The following LRRN2 variants were observed in gnomAD, a reference collection of about 807,000 sequenced individuals.
LRRN2 encodes the protein leucine rich repeat neuronal 2.
In LRRN2, 10 loss-of-function variants were observed where a neutral mutation model predicts 35.7. The ratio of observed to expected loss-of-function variants is 0.28; its 90% CI spans 0.17 to 0.47. LRRN2 has a LOEUF of 0.47. Among genes scored for constraint, LRRN2 ranks in the 20% least tolerant of loss-of-function variants. The pLI is 0.99. For missense variants in LRRN2, 731 were observed against 940.3 expected (o/e 0.78, Z 2.91); for synonymous variants, 391 against 409.6 (o/e 0.95, Z 0.55).
intron 1 of LRRN2, among the ~76,000 whole-genome samples, chr1:204,659,281 G>C (rs1298900980): frequency 2.6e-5 from 4 of 152,164 alleles, no homozygotes; most frequent in Non-Finnish European, 5.9e-5. Context: ...TAGCAATTAG[G>C]CTTAGCAACA....
intron 1 of LRRN2, among the ~76,000 whole-genome samples, chr1:204,631,254 TTCTATATATATATATATATATATATATA>T (rs1667685290): frequency 1.0e-4 from 1 of 9,910 alleles, no homozygotes; most frequent in Admixed American, 2.0e-3. Context: ...ACCTAGAGTG[TTCTATATATATATATATATATATATATA>T]TATATATATA....
At chr1:204,620,306 C>T (rs2102568898) in intron 1 of LRRN2, 88 bp from the exon 2 acceptor site, 1 of 910,850 alleles carries the variant, frequency 1.1e-6, no homozygotes, top group East Asian at 3.9e-5. Context: ...GACAGAGTCT[C>T]ATTCTGTCAC....
In LRRN2 at chr1:204,644,123, A is replaced by G. The variant is rs560347062; in HGVS notation, c.-226-23905T>C. ...TCTACCCATCTGCTGTACCACTGCA[A>G]TATCAGAGAAAAGGAGGTCCTGGGG... On this transcript the variant is annotated intron_variant, in intron 1 of 1. Coordinates refer to ENST00000367177, the MANE Select transcript of LRRN2 (RefSeq NM_201630.2). Among the ~76,000 whole-genome samples the G allele has an allele frequency of 8.3e-4, 126 of 152,256 alleles. 1 individual carries two copies. The highest frequency in any genetic ancestry group is 2.8e-3 in the African/African-American group (118 of 41,554).
Position 204,652,465 on chromosome 1 carries a change from A to G in LRRN2, c.-226-32247T>C, listed in dbSNP as rs111669075. On this transcript the variant is annotated intron_variant, in intron 1 of 1. Transcript: ENST00000367177. ...AGCTAAAGTTTTGGCTCCTTGTCTC[A>G]TTATCTGGATGATGCCTGGCAAGTT... Among the ~76,000 whole-genome samples the G allele has an allele frequency of 2.4e-3, 358 of 152,034 alleles. 2 individuals are homozygous for G. The highest frequency in any genetic ancestry group is 8.5e-3 in the African/African-American group (351 of 41,432).
At chr1:204,629,166 G>A (rs1249031949) in intron 1 of LRRN2, 1 of 152,312 alleles carries the variant, frequency 6.6e-6, no homozygotes, top group Non-Finnish European at 1.5e-5. Flanking sequence ...GAAGACCCAA[G>A]AGCAATACAA....
At chr1:204,676,433 A>G (rs1335879000) in intron 1 of LRRN2, among the ~76,000 whole-genome samples, 1 of 152,182 alleles carries the variant, frequency 6.6e-6, no homozygotes, top group Non-Finnish European at 1.5e-5. Flanking sequence ...TCGCCTCTGC[A>G]GGTGAGACAG....
chr1:204,675,321 A>G (rs2102242793), intron 1 of LRRN2, among the ~76,000 whole-genome samples: 1 of 152,372 alleles, frequency 6.6e-6, no homozygotes, highest in Middle Eastern at 3.4e-3. Flanking sequence ...CTTAGTGGCT[A>G]TAAACAACAC....
In LRRN2 at chr1:204,618,791, G is replaced by A. The variant is rs772908928; in HGVS notation, c.1202C>T (p.Pro401Leu). The part of the protein sequence containing the change: ...EPQSTLCAEP[P>L]DLQRLPVREV... Reference sequence around the variant, plus strand: ...ACGGACCGGGAGGCGCTGGAGGTCCGGAGGCTCCGCACACAGGGTGGATTG... The same window carrying A: ...ACGGACCGGGAGGCGCTGGAGGTCCAGAGGCTCCGCACACAGGGTGGATTG... The change falls in exon 2 of 2, where the codon CCG becomes CTG. Residue 401 changes from proline (P) to leucine (L), a missense_variant. Physicochemically the swap from Pro to Leu is moderately conservative, Grantham distance 98 (BLOSUM62 -3). This residue lies in a region of LRRN2 where 256 missense variants were observed against 392.4 expected (regional missense o/e 0.65). Transcript: ENST00000367177. 4.5e-5 allele frequency: 72 copies of A among 1,613,834 alleles called. No individual in the cohort carries two copies. The highest frequency in any genetic ancestry group is 5.6e-5 in the Non-Finnish European group (66 of 1,179,988).
chr1:204,654,257 A>C (rs1053969389), intron 1 of LRRN2, among the ~76,000 whole-genome samples: 1 of 152,180 alleles, frequency 6.6e-6, no homozygotes, highest in African/African-American at 2.4e-5. Flanking sequence ...TAGAAGACCC[A>C]ATTACCCGAG....
chr1:204,621,110 C>T (rs1666860225), intron 1 of LRRN2: 1 of 167,090 alleles, frequency 6.0e-6, no homozygotes, highest in Non-Finnish European at 1.5e-5. Flanking sequence ...AACTTCCCCA[C>T]CCTGGAGGCA....
chr1:204,652,243 G>T (rs2492986), intron 1 of LRRN2, among the ~76,000 whole-genome samples: 85,977 of 121,290 alleles, frequency 0.71, 31,478 homozygotes, highest in Admixed American at 0.81. Context: ...TCTCCCCTTC[G>T]CCCTCTCCTC....
intron 1 of LRRN2, among the ~76,000 whole-genome samples, chr1:204,660,631 C>T (rs1335986156): frequency 1.3e-5 from 2 of 151,744 alleles, no homozygotes; most frequent in African/African-American, 4.9e-5. Context: ...TTGGGCTGCT[C>T]TTCTGCCTGG....
At chr1:204,676,198 T>C (rs948522960) in intron 1 of LRRN2, among the ~76,000 whole-genome samples, 41 of 151,896 alleles carry the variant, frequency 2.7e-4, no homozygotes, top group Non-Finnish European at 2.5e-4. Context: ...ACTTTACCTG[T>C]TGCAAAAGGC....
intron 1 of LRRN2, among the ~76,000 whole-genome samples, chr1:204,622,552 A>G (rs1334310174): frequency 4.6e-5 from 7 of 152,212 alleles, no homozygotes; most frequent in Admixed American, 2.6e-4. Context: ...ATGTGTACAC[A>G]TGCATGCATG....
chr1:204,644,908 G>A (rs1163865895), intron 1 of LRRN2, among the ~76,000 whole-genome samples: 1 of 152,240 alleles, frequency 6.6e-6, no homozygotes, highest in East Asian at 1.9e-4. Context: ...GGTCCTGCTG[G>A]AGCAGGCCTG....
In LRRN2 at chr1:204,647,859, T is replaced by G. The variant is rs556981406; in HGVS notation, c.-226-27641A>C. On this transcript the variant is annotated intron_variant, in intron 1 of 1. Coordinates refer to ENST00000367177, the MANE Select transcript of LRRN2 (RefSeq NM_201630.2). ...AAATGTACACCAGCTTTCAAAGATT[T>G]AATATGAAAAAAGAATGTGAAACAT... is the stretch of plus-strand genomic sequence containing the variant. 2.6e-5 allele frequency among the ~76,000 whole-genome samples: 4 copies of G among 152,342 alleles called. No individual in the cohort carries two copies. In the South Asian group the frequency reaches 8.3e-4, roughly 32 times the overall value.
At chr1:204,638,440 C>T (rs1667895489) in intron 1 of LRRN2, among the ~76,000 whole-genome samples, 1 of 81,014 alleles carries the variant, frequency 1.2e-5, no homozygotes, top group Non-Finnish European at 2.1e-5. Flanking sequence ...GAGACGGAGT[C>T]TCGCTCTGTC....
In LRRN2 at chr1:204,619,929, C is replaced by T. The variant is rs72753850; in HGVS notation, c.64G>A (p.Val22Met). 6.3e-3 allele frequency: 10,097 copies of T among 1,613,522 alleles called. 43 individuals are homozygous for T. Among genetic ancestry groups the T allele is most frequent in the Non-Finnish European group, 7.0e-3 (8,208 of 1,179,932 alleles). Residue 22 changes from valine to methionine, a missense_variant, in exon 2 of 2, where the codon GTG (valine) becomes ATG (methionine). Transcript: ENST00000367177. ...GGGCAGGGAACATGCCAGGGTACCA[C>T]GGGCACAGCGGCAGTGGCACCAGCC... ...WVAGATAAVPVVPWHVPCPPQ... is the reference protein window; with the variant it reads ...WVAGATAAVPMVPWHVPCPPQ...
At chr1:204,624,234 G>T (rs1368303660) in intron 1 of LRRN2, among the ~76,000 whole-genome samples, 1 of 151,924 alleles carries the variant, frequency 6.6e-6, no homozygotes, top group Non-Finnish European at 1.5e-5. Flanking sequence ...GGGGGACAGT[G>T]TGGGGAAGGA....
Sources: gnomAD v4.1 joint callset for allele counts (sites outside exome capture counted in the v4.1 genomes callset) on GRCh38, gnomAD v4.1.1 for gene constraint, gnomAD v4.1.1 regional missense constraint, MANE v1.5 for transcripts, NCBI Gene and HGNC (gene_info 2026-07-23, HGNC 2026-07-21) for gene names.